RAB38: variants seen among roughly 807,000 people sequenced by gnomAD.
The protein encoded by RAB38 is ras-related protein Rab-38.
A neutral mutation model predicts 18.4 loss-of-function variants in RAB38; 15 were observed. That is an observed-to-expected ratio of 0.82 (90% CI 0.55 to 1.26). The LOEUF is 1.26. Ranked by LOEUF, RAB38 falls within the 50% of genes most tolerant of loss-of-function variation. RAB38 has a pLI of 0.00. For synonymous variants in RAB38, 101 were observed against 104.4 expected (o/e 0.97, Z 0.20); for missense variants, 294 against 267.4 (o/e 1.10, Z -0.69).
At chr11:87,805,436 A>G in the RAB38 span, among the ~76,000 whole-genome samples, 108,228 of 151,742 alleles carry the variant, frequency 0.71, 39,459 homozygotes, top group East Asian at 0.93. Context: ...AGGCATCTTA[A>G]TAGCTATCCT....
chr11:88,013,321 T>C, the RAB38 span, among the ~76,000 whole-genome samples: 1 of 152,154 alleles, frequency 6.6e-6, no homozygotes, highest in African/African-American at 2.4e-5. Context: ...ATTTTGTTTG[T>C]TTTAGTTCAT....
the RAB38 span, among the ~76,000 whole-genome samples, chr11:87,932,568 G>A: frequency 2.0e-5 from 3 of 151,878 alleles, no homozygotes; most frequent in East Asian, 3.9e-4. Context: ...ATGGATTTTT[G>A]CCCAGAAAAA....
the RAB38 span, among the ~76,000 whole-genome samples, chr11:87,873,225 T>G: frequency 1.3e-5 from 2 of 151,610 alleles, no homozygotes; most frequent in African/African-American, 4.8e-5. Context: ...TTTCATATGC[T>G]TACTTGTTAT....
At chr11:87,830,903 A>T in the RAB38 span, among the ~76,000 whole-genome samples, 31 of 152,000 alleles carry the variant, frequency 2.0e-4, no homozygotes, top group Non-Finnish European at 3.5e-4. Context: ...GGCTCAAGTG[A>T]TCTTCCCACC....
the RAB38 span, among the ~76,000 whole-genome samples, chr11:87,844,309 TA>T: frequency 6.6e-6 from 1 of 152,218 alleles, no homozygotes; most frequent in African/African-American, 2.4e-5. Flanking sequence ...AGAATGCCAT[TA>T]TTTCAAGTTG....
At chr11:87,878,258 CT>C in the RAB38 span, among the ~76,000 whole-genome samples, 1,443 of 115,430 alleles carry the variant, frequency 0.013, 111 homozygotes, top group African/African-American at 0.048. Flanking sequence ...TATCATCTAT[CT>C]ATCTATCTAT....
the RAB38 span, chr11:88,061,975 G>C: frequency 6.6e-6 from 1 of 151,878 alleles, no homozygotes; most frequent in Non-Finnish European, 1.5e-5. Flanking sequence ...ATTTCAAATT[G>C]CAACTTCCTT....
chr11:87,960,450 CA>C, the RAB38 span, among the ~76,000 whole-genome samples: 1 of 150,746 alleles, frequency 6.6e-6, no homozygotes, highest in Non-Finnish European at 1.5e-5. Flanking sequence ...ATGACTGAAG[CA>C]AAGGGAGCAA....
At chr11:88,067,633 A>T in the RAB38 span, among the ~76,000 whole-genome samples, 3 of 152,294 alleles carry the variant, frequency 2.0e-5, no homozygotes, top group Middle Eastern at 3.4e-3. Flanking sequence ...GGAATATGCA[A>T]TATAGAGAAG....
At chr11:88,054,990 A>G in the RAB38 span, among the ~76,000 whole-genome samples, 1 of 152,208 alleles carries the variant, frequency 6.6e-6, no homozygotes, top group Non-Finnish European at 1.5e-5. Context: ...TAGGTAGACT[A>G]TTTGATCTTG....
At chr11:88,033,725 CTTTTT>C in the RAB38 span, among the ~76,000 whole-genome samples, 7 of 101,120 alleles carry the variant, frequency 6.9e-5, no homozygotes, top group Admixed American at 2.6e-4. Context: ...GTTGTGTTGC[CTTTTT>C]TTTTTTTTTT....
chr11:88,025,212 T>C, the RAB38 span, among the ~76,000 whole-genome samples: 2 of 150,672 alleles, frequency 1.3e-5, no homozygotes, highest in Admixed American at 6.6e-5. Context: ...TATAATTATA[T>C]TGTGTATATA....
At chr11:87,817,196 T>C in the RAB38 span, 1 of 152,184 alleles carries the variant, frequency 6.6e-6, no homozygotes, top group African/African-American at 2.4e-5. Flanking sequence ...ATCGGTAGTG[T>C]TCCCACAAGA....
chr11:88,107,278 A>G, the RAB38 span, among the ~76,000 whole-genome samples: 4 of 152,098 alleles, frequency 2.6e-5, no homozygotes, highest in Non-Finnish European at 5.9e-5. Flanking sequence ...TTTATCTGTC[A>G]TCCATGAAAC....
chr11:87,870,979 C>T, the RAB38 span, among the ~76,000 whole-genome samples: 1 of 151,570 alleles, frequency 6.6e-6, no homozygotes, highest in Admixed American at 6.6e-5. Context: ...GTATGTCATG[C>T]AAAATGTTAA....
the RAB38 span, among the ~76,000 whole-genome samples, chr11:87,975,422 G>T: frequency 9.9e-5 from 15 of 151,844 alleles, no homozygotes; most frequent in African/African-American, 3.4e-4. Flanking sequence ...CAGCAAACTT[G>T]TACTACGAGA....
the RAB38 span, among the ~76,000 whole-genome samples, chr11:88,099,537 G>A: frequency 1.3e-5 from 2 of 151,792 alleles, no homozygotes; most frequent in Admixed American, 1.3e-4. Context: ...ATCTCCTAAG[G>A]GGAGTAAATC....
the RAB38 span, among the ~76,000 whole-genome samples, chr11:88,031,768 T>C: frequency 3.1e-4 from 47 of 152,052 alleles, no homozygotes; most frequent in Non-Finnish European, 5.6e-4. Context: ...TGCTCAAGGG[T>C]AGGAAGAATC....
At chr11:88,056,163 T>C in the RAB38 span, among the ~76,000 whole-genome samples, 8 of 152,172 alleles carry the variant, frequency 5.3e-5, no homozygotes, top group Admixed American at 3.9e-4. Flanking sequence ...AGCAAATTAT[T>C]GTATTCATTG....
Sources: gnomAD v4.1 joint callset for allele counts (sites outside exome capture counted in the v4.1 genomes callset) on GRCh38, gnomAD v4.1.1 for gene constraint, MANE v1.5 for transcripts, NCBI Gene and HGNC (gene_info 2026-07-23, HGNC 2026-07-21) for gene names.